The following NRXN1 variants were observed in gnomAD, a reference collection of about 807,000 sequenced individuals.
NRXN1 encodes the protein neurexin 1, also known as neurexin-1.
A neutral mutation model predicts 150.9 loss-of-function variants in NRXN1; 39 were observed. The observed-to-expected ratio is 0.26, with a 90% CI of 0.20 to 0.34. The LOEUF is 0.34. NRXN1 is among the 10% of genes least tolerant of loss of function. The pLI, the probability that NRXN1 is intolerant of heterozygous loss-of-function variation, is 1.00. For synonymous variants in NRXN1, 924 were observed against 757.0 expected (o/e 1.22, Z -3.62); for missense variants, 1,815 against 1,949.9 (o/e 0.93, Z 1.30).
chr2:50,193,200 CTCA>C (rs897060045), intron 18 of NRXN1, among the ~76,000 whole-genome samples: 5 of 151,854 alleles, frequency 3.3e-5, no homozygotes, highest in African/African-American at 1.2e-4. Context: ...CTTCCATATC[CTCA>C]TCATCAATAA....
chr2:50,678,509 C>T (rs1335974359), intron 5 of NRXN1, among the ~76,000 whole-genome samples: 1 of 152,164 alleles, frequency 6.6e-6, no homozygotes, highest in Non-Finnish European at 1.5e-5. Flanking sequence ...CTAGAATCAA[C>T]TCTTACAAGT....
intron 21 of NRXN1, among the ~76,000 whole-genome samples, chr2:50,052,991 C>A (rs1692962590): frequency 6.6e-6 from 1 of 152,256 alleles, no homozygotes; most frequent in African/African-American, 2.4e-5. Flanking sequence ...AGCAGACGAT[C>A]TACTCAGCTT....
intron 5 of NRXN1, among the ~76,000 whole-genome samples, chr2:50,848,737 C>T (rs910816769): frequency 6.6e-6 from 1 of 152,156 alleles, no homozygotes; most frequent in Non-Finnish European, 1.5e-5. Flanking sequence ...AACAAATACA[C>T]CAAGACTGGT....
In NRXN1 at chr2:50,554,933, A is replaced by G. The variant is rs572828836; in HGVS notation, c.1321-1908T>C. Among the ~76,000 whole-genome samples the G allele has an allele frequency of 6.6e-5, 10 of 152,326 alleles. No individual in the cohort carries two copies. In the South Asian group the frequency reaches 2.1e-3, roughly 32 times the overall value. On this transcript the variant is annotated intron_variant, in intron 8 of 22. Transcript: ENST00000401669. ...AAAATGAACTTGAGCAATAACAAAA[A>G]GGAATTACATTAATTCTTAAGAATA... is the stretch of plus-strand genomic sequence containing the variant.
chr2:50,727,020 G>A lies in NRXN1; in HGVS notation c.833-103405C>T, dbSNP rs138565054. Among the ~76,000 whole-genome samples, 544 of 152,056 alleles carry A rather than the reference G, an allele frequency of 3.6e-3. 2 individuals carry two copies. Among genetic ancestry groups the A allele is most frequent in the Middle Eastern group, 0.01 (3 of 294 alleles). On this transcript the variant is annotated intron_variant, in intron 5 of 22. Transcript: ENST00000401669. Reference sequence around the variant, plus strand: ...ACTAAATAAATAAGAAGTATTCTAAGTATTTTAAAATGCCTTTTGGAGCTC... The same window carrying A: ...ACTAAATAAATAAGAAGTATTCTAAATATTTTAAAATGCCTTTTGGAGCTC...
At chr2:50,339,910 T>G (rs2077438313) in intron 17 of NRXN1, among the ~76,000 whole-genome samples, 1 of 152,206 alleles carries the variant, frequency 6.6e-6, no homozygotes, top group Admixed American at 6.5e-5. Flanking sequence ...TTATTGTTAA[T>G]GAAGAACATT....
intron 5 of NRXN1, among the ~76,000 whole-genome samples, chr2:50,887,061 T>C (rs1176020735): frequency 1.3e-5 from 2 of 151,430 alleles, no homozygotes; most frequent in East Asian, 3.9e-4. Context: ...TTCATCACTT[T>C]TAAGAATATA....
At chr2:50,084,090 G>A (rs887542885) in intron 19 of NRXN1, among the ~76,000 whole-genome samples, 20 of 152,258 alleles carry the variant, frequency 1.3e-4, no homozygotes, top group African/African-American at 4.6e-4. Flanking sequence ...CTAGACACAA[G>A]GTGCTGATTG....
rs750693320 is a variant in NRXN1, at chr2:51,026,455, G to T, written c.772+1047C>A. ...AACAGCACCGGCAAAACACACTGAA[G>T]ACCGAATTTTATTTCTAAAGAGGAG... On this transcript the variant is annotated intron_variant, in intron 2 of 22. Transcript: ENST00000401669. 3 of 1,601,148 alleles carry T rather than the reference G, an allele frequency of 1.9e-6. 1 individual carries two copies. In the South Asian group the frequency reaches 3.4e-5, roughly 18 times the overall value.
intron 5 of NRXN1, chr2:50,758,225 A>C (rs570471597): frequency 6.6e-6 from 1 of 151,930 alleles, no homozygotes; most frequent in African/African-American, 2.4e-5. Context: ...CCTAGACTCT[A>C]CTATGGTCGA....
At chr2:50,840,557 T>C (rs2105926486) in intron 5 of NRXN1, among the ~76,000 whole-genome samples, 1 of 152,184 alleles carries the variant, frequency 6.6e-6, no homozygotes, top group East Asian at 1.9e-4. Context: ...ACAGACCAAT[T>C]TCAATTACGT....
At chr2:49,975,179 G>A (rs758399049) in intron 21 of NRXN1, among the ~76,000 whole-genome samples, 21 of 151,494 alleles carry the variant, frequency 1.4e-4, no homozygotes, top group Admixed American at 2.6e-4. Flanking sequence ...AGACCGGTGT[G>A]TGTTTCAAAT....
At chr2:50,286,370 T>C (rs1478115732) in intron 17 of NRXN1, among the ~76,000 whole-genome samples, 1 of 152,164 alleles carries the variant, frequency 6.6e-6, no homozygotes, top group African/African-American at 2.4e-5. Context: ...AACATATGAG[T>C]GAGATCATGT....
At chr2:50,756,774 C>T (rs1371729735) in intron 5 of NRXN1, among the ~76,000 whole-genome samples, 1 of 151,702 alleles carries the variant, frequency 6.6e-6, no homozygotes, top group Non-Finnish European at 1.5e-5. Context: ...ACAATATGCA[C>T]ATAAAAGATT....
At chr2:50,274,388 C>T (rs1198531116) in intron 17 of NRXN1, among the ~76,000 whole-genome samples, 29 of 152,020 alleles carry the variant, frequency 1.9e-4, no homozygotes, top group Non-Finnish European at 2.9e-5. Context: ...TCCACCAGGG[C>T]CTGCTGGGGG....
intron 5 of NRXN1, among the ~76,000 whole-genome samples, chr2:50,878,437 AC>A (rs1234422708): frequency 6.6e-6 from 1 of 151,862 alleles, no homozygotes; most frequent in African/African-American, 2.4e-5. Context: ...CTCCTCCTCC[AC>A]CTACACCCTA....
chr2:50,682,562 T>C (rs965155144), intron 5 of NRXN1, among the ~76,000 whole-genome samples: 2 of 152,108 alleles, frequency 1.3e-5, no homozygotes, highest in African/African-American at 2.4e-5. Context: ...TTTTTAACTA[T>C]ATTTAGCGAT....
rs558963249 is a variant in NRXN1, at chr2:50,559,233, G to A, written c.1321-6208C>T. On this transcript the variant is annotated intron_variant, in intron 8 of 22. Transcript: ENST00000401669. ...TCAAAATACAACCAGGAACTAGCCAGCAAGTGAAAAGTACAAGCGTCATCC... is the reference window on the plus strand; with the variant it reads ...TCAAAATACAACCAGGAACTAGCCAACAAGTGAAAAGTACAAGCGTCATCC... 8.5e-5 allele frequency among the ~76,000 whole-genome samples: 13 copies of A among 152,288 alleles called. No homozygotes were observed. In the South Asian group the frequency reaches 2.7e-3, roughly 32 times the overall value.
intron 17 of NRXN1, among the ~76,000 whole-genome samples, chr2:50,251,661 A>C (rs553828913): frequency 1.3e-5 from 2 of 152,198 alleles, no homozygotes; most frequent in African/African-American, 4.8e-5. Context: ...GTGTAAAAGC[A>C]TTCCTCTTTC....
Sources: allele counts gnomAD v4.1 joint callset (sites outside exome capture counted in the v4.1 genomes callset), GRCh38; gene constraint gnomAD v4.1.1; transcripts MANE v1.5; gene names NCBI Gene and HGNC (gene_info 2026-07-23, HGNC 2026-07-21).